CCDC3: variants seen among roughly 807,000 people sequenced by gnomAD.
The protein encoded by CCDC3 is coiled-coil domain containing 3, also known as coiled-coil domain-containing protein 3.
A neutral mutation model predicts 21.4 loss-of-function variants in CCDC3; 24 were observed. That is an observed-to-expected ratio of 1.12 (90% CI 0.81 to 1.58). The LOEUF is 1.58. Ranked by LOEUF, CCDC3 falls within the 40% of genes most tolerant of loss-of-function variation. The pLI is 0.00. For missense variants in CCDC3, 425 were observed against 360.9 expected (o/e 1.18, Z -1.44); for synonymous variants, 186 against 166.0 (o/e 1.12, Z -0.93).
intron 2 of CCDC3, among the ~76,000 whole-genome samples, chr10:12,911,278 A>G (rs1834267078): frequency 6.6e-6 from 1 of 152,080 alleles, no homozygotes; most frequent in African/African-American, 2.4e-5. Flanking sequence ...CTTCCACTAG[A>G]CTAAAAAACG....
At chr10:13,033,217 C>G (rs535060546) in intron 5 of CCDC3, among the ~76,000 whole-genome samples, 1 of 152,090 alleles carries the variant, frequency 6.6e-6, no homozygotes, top group Non-Finnish European at 1.5e-5. Flanking sequence ...CTTTGACAAA[C>G]CTGACAAAAA....
chr10:12,961,432 T>G (rs115148517), intron 2 of CCDC3, among the ~76,000 whole-genome samples: 42 of 152,288 alleles, frequency 2.8e-4, no homozygotes, highest in African/African-American at 1.0e-3. Flanking sequence ...CAAATAACAT[T>G]CGGGGTGGAG....
At chr10:12,926,218 G>C (rs976541036) in intron 2 of CCDC3, among the ~76,000 whole-genome samples, 3 of 152,316 alleles carry the variant, frequency 2.0e-5, no homozygotes, top group African/African-American at 7.2e-5. Flanking sequence ...GGGATTTAGT[G>C]ATAAAAGGCT....
intron 2 of CCDC3, among the ~76,000 whole-genome samples, chr10:12,911,716 T>C (rs886984099): frequency 6.6e-6 from 1 of 152,228 alleles, no homozygotes. Context: ...ATACATTGTA[T>C]TGTTATTAAC....
intron 5 of CCDC3, among the ~76,000 whole-genome samples, chr10:13,031,738 T>C (rs1836306312): frequency 6.6e-6 from 1 of 152,066 alleles, no homozygotes; most frequent in African/African-American, 2.4e-5. Context: ...CTAGAAAATC[T>C]AGAAGAAACA....
intron 4 of CCDC3, among the ~76,000 whole-genome samples, chr10:13,058,939 T>G (rs1302426928): frequency 6.6e-6 from 1 of 152,094 alleles, no homozygotes; most frequent in East Asian, 1.9e-4. Context: ...TCACATACAC[T>G]ATCTCAATTT....
intron 2 of CCDC3, among the ~76,000 whole-genome samples, chr10:12,988,161 C>T (rs1047706172): frequency 6.6e-5 from 10 of 152,184 alleles, no homozygotes; most frequent in African/African-American, 1.7e-4. Flanking sequence ...CTCTCCCCAC[C>T]GCCAATGCTC....
In CCDC3 at chr10:13,049,002, A is replaced by G. The variant is rs145520386; in HGVS notation, c.-2+672T>C. ...GAGCATACAAATTCCAAGTGTCACA[A>G]CTGGAGAGGGAGGCCTCCTAAGTTG... On this transcript the variant is annotated intron_variant, in intron 5 of 6. Coordinates refer to the CCDC3 transcript ENST00000378839. 3.2e-4 allele frequency among the ~76,000 whole-genome samples: 48 copies of G among 152,270 alleles called. No individual in the cohort carries two copies. The East Asian group carries it at 8.3e-3, about 26-fold the overall frequency.
chr10:13,015,834 A>G (rs1377694175), intron 5 of CCDC3, among the ~76,000 whole-genome samples: 2 of 152,038 alleles, frequency 1.3e-5, no homozygotes, highest in Non-Finnish European at 2.9e-5. Context: ...GGGATGGTTA[A>G]TAGGTACAAA....
chr10:13,039,062 T>C (rs1381941723), intron 5 of CCDC3, among the ~76,000 whole-genome samples: 1 of 152,168 alleles, frequency 6.6e-6, no homozygotes, highest in Non-Finnish European at 1.5e-5. Context: ...ACCACGCACA[T>C]GCTTCAGTTC....
chr10:13,053,161 G>A (rs138708691), intron 4 of CCDC3, among the ~76,000 whole-genome samples: 3 of 152,244 alleles, frequency 2.0e-5, no homozygotes, highest in Non-Finnish European at 4.4e-5. Context: ...TTCCTCTAAT[G>A]CAAACAACTA....
chr10:12,908,513 C>G (rs1834212538), intron 2 of CCDC3, among the ~76,000 whole-genome samples: 1 of 152,016 alleles, frequency 6.6e-6, no homozygotes. Flanking sequence ...AACACTAGGT[C>G]ATGGAATACT....
chr10:12,945,939 T>C (rs1286698027), intron 2 of CCDC3, among the ~76,000 whole-genome samples: 2 of 152,244 alleles, frequency 1.3e-5, no homozygotes, highest in African/African-American at 4.8e-5. Context: ...TTAAAACAAG[T>C]AGATTCTTCT....
At chr10:12,901,876 A>C (rs1465519942) in intron 2 of CCDC3, among the ~76,000 whole-genome samples, 2 of 152,158 alleles carry the variant, frequency 1.3e-5, no homozygotes, top group Non-Finnish European at 2.9e-5. Flanking sequence ...CCAACACATC[A>C]GCGCTTTCTC....
At chr10:13,034,603 T>C (rs79770134) in intron 5 of CCDC3, among the ~76,000 whole-genome samples, 2,802 of 152,218 alleles carry the variant, frequency 0.018, 40 homozygotes, top group Non-Finnish European at 0.029. Flanking sequence ...TAGGAATGTA[T>C]TAACATTATT....
chr10:12,960,625 G>T (rs985499082), intron 2 of CCDC3, among the ~76,000 whole-genome samples: 1 of 152,174 alleles, frequency 6.6e-6, no homozygotes. Context: ...GACAAATTAC[G>T]CAGAAACAAA....
chr10:13,019,105 G>A (rs1312453048), intron 5 of CCDC3, among the ~76,000 whole-genome samples: 1 of 152,194 alleles, frequency 6.6e-6, no homozygotes, highest in Non-Finnish European at 1.5e-5. Context: ...GTGGTGGCAG[G>A]CTCCTGTAGT....
intron 2 of CCDC3, among the ~76,000 whole-genome samples, chr10:12,924,061 G>A (rs76505656): frequency 0.053 from 8,013 of 152,304 alleles, 234 homozygotes; most frequent in Non-Finnish European, 0.071. Context: ...TTCAAATGCT[G>A]TAGAATTGCC....
At chr10:12,901,977 G>A (rs2081830215) in intron 2 of CCDC3, among the ~76,000 whole-genome samples, 2 of 152,114 alleles carry the variant, frequency 1.3e-5, no homozygotes, top group African/African-American at 2.4e-5. Flanking sequence ...CTTTCACGAT[G>A]CTTTCCACCG....
Sources: gnomAD v4.1 joint callset for allele counts (sites outside exome capture counted in the v4.1 genomes callset) on GRCh38, gnomAD v4.1.1 for gene constraint, MANE v1.5 for transcripts, NCBI Gene and HGNC (gene_info 2026-07-23, HGNC 2026-07-21) for gene names.